The following CCNB2 variants were observed in gnomAD, a reference collection of about 807,000 sequenced individuals.
CCNB2 encodes the protein cyclin B2.
CCNB2 carries 39 observed loss-of-function variants against 51.1 expected under a neutral mutation model. That is an observed-to-expected ratio of 0.76 (90% CI 0.59 to 1.00). The LOEUF (loss-of-function observed/expected upper bound fraction) is 1.00. CCNB2 is among the 50% of genes least tolerant of loss of function. CCNB2 has a pLI of 0.00. For missense variants in CCNB2, 472 were observed against 470.3 expected, an observed-to-expected ratio of 1.00 and a Z score of -0.03; for synonymous variants, 174 against 165.5, an observed-to-expected ratio of 1.05 and a Z score of -0.40.
chr15:59,116,840 G>C lies in CCNB2; in HGVS notation c.748G>C (p.Glu250Gln), dbSNP rs775714532. Residue 250 changes from glutamate (E) to glutamine (Q), a missense_variant, in exon 6 of 9, where the codon GAA becomes CAA. Physicochemically the swap from Glu to Gln is conservative, Grantham distance 29. Coordinates refer to ENST00000288207, the MANE Select transcript of CCNB2 (RefSeq NM_004701.4). Reference sequence around the variant, plus strand: ...TACCAGTTCCCAAATCCGAGAAATGGAAACTCTAATTTTGAAAGAATTGAA... The same window carrying C: ...TACCAGTTCCCAAATCCGAGAAATGCAAACTCTAATTTTGAAAGAATTGAA... ...AYTSSQIREM[E>Q]TLILKELKFE... The C allele has an allele frequency of 6.2e-7, 1 of 1,614,132 alleles. No homozygotes were observed. Among genetic ancestry groups the C allele is most frequent in the South Asian group, 1.1e-5 (1 of 91,080 alleles).
At chr15:59,117,437 G>C in intron 7 of CCNB2, 69 bp downstream of exon 7, 1 of 1,488,788 alleles carries the variant, frequency 6.7e-7, no homozygotes, top group Admixed American at 1.8e-5. Context: ...AAAGGCCTTA[G>C]CATTTTTACA....
chr15:59,105,428 C>G (rs1224071349), intron 1 of CCNB2, 136 bp downstream of exon 1: 1 of 1,016,902 alleles, frequency 9.8e-7, no homozygotes, highest in African/African-American at 1.6e-5. Context: ...ACTGCTTCGC[C>G]CGCGTCCCTG....
Position 59,107,548 on chromosome 15 carries a change from T to C in CCNB2, c.154-9T>C, listed in dbSNP as rs746653521. ...GTCTTGCGCTATTCATGTTTCTTTT[T>C]CCTTATAGAAAGCTCAGAACACCAA... On this transcript the variant is annotated splice_polypyrimidine_tract_variant and intron_variant, in intron 2 of 8. Coordinates refer to ENST00000288207, the MANE Select transcript of CCNB2 (RefSeq NM_004701.4). The C allele has an allele frequency of 9.9e-6, 16 of 1,614,006 alleles. No homozygotes were observed. In the African/African-American group the frequency reaches 1.9e-4, roughly 19 times the overall value.
At chr15:59,116,975 C>T in intron 6 of CCNB2, 49 bp downstream of exon 6, 3 of 1,440,606 alleles carry the variant, frequency 2.1e-6, no homozygotes, top group Non-Finnish European at 1.9e-6. Context: ...GGTGTCTCAT[C>T]CCAGAAACCT....
intron 7 of CCNB2, among the ~76,000 whole-genome samples, chr15:59,122,655 GCTCCTCAA>G (rs2079308211): frequency 6.7e-6 from 1 of 150,244 alleles, no homozygotes; most frequent in Non-Finnish European, 1.5e-5. Context: ...TTCCTCCTCA[GCTCCTCAA>G]GTAACTGGGA....
At chr15:59,122,724 T>C (rs1056159628) in intron 7 of CCNB2, among the ~76,000 whole-genome samples, 1 of 151,802 alleles carries the variant, frequency 6.6e-6, no homozygotes, top group South Asian at 2.1e-4. Context: ...TTCATAGAGA[T>C]AGGGTCTCCC....
chr15:59,123,368 G>T (rs2079311434), intron 7 of CCNB2, 149 bp from the exon 8 acceptor site: 2 of 599,768 alleles, frequency 3.3e-6, no homozygotes, highest in Non-Finnish European at 6.1e-6. Flanking sequence ...GAGTGGTTAG[G>T]GCTTTGATTG....
intron 5 of CCNB2, among the ~76,000 whole-genome samples, chr15:59,115,230 CAT>C (rs1458444137): frequency 6.6e-6 from 1 of 152,118 alleles, no homozygotes; most frequent in Non-Finnish European, 1.5e-5. Context: ...GCACAATTTC[CAT>C]AGTTTGGTGC....
chr15:59,116,216 A>G (rs1469533581), intron 5 of CCNB2: 1 of 155,584 alleles, frequency 6.4e-6, no homozygotes, highest in African/African-American at 2.4e-5. Context: ...GAAATGAGCC[A>G]TCCATTAAAT....
intron 6 of CCNB2, 54 bp from the exon 7 acceptor site, chr15:59,117,174 G>T: frequency 5.1e-6 from 8 of 1,583,502 alleles, no homozygotes; most frequent in Non-Finnish European, 6.9e-6. Context: ...GCAGAATTTT[G>T]CAAGACAGTA....
Position 59,114,544 on chromosome 15 carries a change from A to C in CCNB2, c.368A>C (p.Glu123Ala). ...TGCAAAATCGAGGACATTGATAACGAAGATTGGGAGAACCCTCAGCTCTGC... is the reference window on the plus strand; with the variant it reads ...TGCAAAATCGAGGACATTGATAACGCAGATTGGGAGAACCCTCAGCTCTGC... ...LLCKIEDIDN[E>A]DWENPQLCSD... The change falls in exon 4 of 9, where the codon GAA becomes GCA. Residue 123 changes from glutamate (E) to alanine (A), a missense_variant. Glu to Ala is a moderately radical substitution (Grantham distance 107). Coordinates refer to ENST00000288207, the MANE Select transcript of CCNB2 (RefSeq NM_004701.4). 1.2e-6 allele frequency: 2 copies of C among 1,613,754 alleles called. No individual in the cohort carries two copies. Among genetic ancestry groups the C allele is most frequent in the Admixed American group, 3.3e-5 (2 of 59,912 alleles).
intron 3 of CCNB2, among the ~76,000 whole-genome samples, chr15:59,110,464 T>C (rs1205457142): frequency 2.6e-5 from 4 of 152,234 alleles, no homozygotes; most frequent in Non-Finnish European, 4.4e-5. Context: ...GGTGAGTCTC[T>C]CTGCCTGCCT....
At chr15:59,117,172 T>C in intron 6 of CCNB2, 56 bp from the exon 7 acceptor site, 1 of 1,583,022 alleles carries the variant, frequency 6.3e-7, no homozygotes, top group Non-Finnish European at 8.6e-7. Context: ...ACGCAGAATT[T>C]TGCAAGACAG....
chr15:59,105,344 TC>T (rs779526035), intron 1 of CCNB2, 52 bp downstream of exon 1: 3 of 1,531,566 alleles, frequency 2.0e-6, no homozygotes, highest in African/African-American at 1.4e-5. Context: ...GCCCCACAGC[TC>T]CCCTGTCGCT....
rs566036941 is a variant in CCNB2, at chr15:59,105,757, C to G, written c.24+465C>G. ...AGGCAGTAAAGTGTACGGCGTGTTT[C>G]ATCAGGCAACTGCCAGGCTGTTTTT... On this transcript the variant is annotated intron_variant, in intron 1 of 8. Transcript: ENST00000288207. Among the ~76,000 whole-genome samples, 14 of 152,348 alleles carry G rather than the reference C, an allele frequency of 9.2e-5. No homozygotes were observed. In the East Asian group the frequency reaches 2.7e-3, roughly 29 times the overall value.
chr15:59,106,240 T>C (rs747710712), intron 1 of CCNB2, among the ~76,000 whole-genome samples: 2 of 152,226 alleles, frequency 1.3e-5, no homozygotes, highest in Non-Finnish European at 2.9e-5. Context: ...CTGGAAGAAA[T>C]TGAAGTGTGA....
Position 59,107,590 on chromosome 15 carries a change from A to C in CCNB2, c.187A>C (p.Thr63Pro). 1.2e-6 allele frequency: 2 copies of C among 1,614,180 alleles called. No individual in the cohort carries two copies. Among genetic ancestry groups the C allele is most frequent in the Non-Finnish European group, 1.7e-6 (2 of 1,180,040 alleles). ...GAACACCAAAGTTCCAGTTCAACCC[A>C]CCAAAACAACAAATGTCAACAAACA... ...AQNTKVPVQP[T>P]KTTNVNKQLK... is the part of the protein sequence containing the mutation. The change falls in exon 3 of 9, where the codon ACC (threonine) becomes CCC (proline). Residue 63 changes from threonine (T) to proline (P), a missense_variant. Physicochemically the swap from Thr to Pro is conservative, Grantham distance 38 (BLOSUM62 -1). Coordinates refer to ENST00000288207, the MANE Select transcript of CCNB2 (RefSeq NM_004701.4).
intron 3 of CCNB2, among the ~76,000 whole-genome samples, chr15:59,113,838 T>C (rs1863519510): frequency 6.6e-6 from 1 of 152,194 alleles, no homozygotes; most frequent in South Asian, 2.1e-4. Flanking sequence ...TAGCTGGGAC[T>C]ACAGGGGCGC....
At chr15:59,111,238 T>C (rs1306181889) in intron 3 of CCNB2, among the ~76,000 whole-genome samples, 1 of 152,240 alleles carries the variant, frequency 6.6e-6, no homozygotes, top group Admixed American at 6.5e-5. Flanking sequence ...CTCACTATGT[T>C]GCCCAGGTTG....
Sources: allele counts gnomAD v4.1 joint callset (sites outside exome capture counted in the v4.1 genomes callset), GRCh38; gene constraint gnomAD v4.1.1; transcripts MANE v1.5; gene names NCBI Gene and HGNC (gene_info 2026-07-23, HGNC 2026-07-21).